The following DAB1 variants were observed in gnomAD, a reference collection of about 807,000 sequenced individuals.
DAB1 encodes the protein DAB adaptor protein 1, also known as disabled homolog 1.
Under a neutral mutation model 64.6 loss-of-function variants are expected in DAB1, and 15 were observed. The ratio of observed to expected loss-of-function variants is 0.23; its 90% CI spans 0.16 to 0.36. The LOEUF (loss-of-function observed/expected upper bound fraction) is 0.36. Among genes scored for constraint, DAB1 ranks in the 10% least tolerant of loss-of-function variants. DAB1 has a pLI of 1.00. For synonymous variants in DAB1, 235 were observed against 251.9 expected, an observed-to-expected ratio of 0.93 and a Z score of 0.64; for missense variants, 596 against 706.7, an observed-to-expected ratio of 0.84 and a Z score of 1.78.
intron 3 of DAB1, among the ~76,000 whole-genome samples, chr1:58,460,662 A>G (rs551734283): frequency 6.6e-6 from 1 of 152,136 alleles, no homozygotes; most frequent in Non-Finnish European, 1.5e-5. Context: ...CTTCCCACGC[A>G]TGTGTGTAGC....
intron 1 of DAB1, among the ~76,000 whole-genome samples, chr1:57,834,603 G>A (rs1215532349): frequency 6.6e-6 from 1 of 151,414 alleles, no homozygotes; most frequent in African/African-American, 2.4e-5. Context: ...ATATATATAT[G>A]TGCACACAGT....
In DAB1 at chr1:57,548,161, C is replaced by T. The variant is rs144120865; in HGVS notation, n.625+101431G>A. On this transcript the variant is annotated intron_variant and non_coding_transcript_variant, in intron 7 of 20. Coordinates refer to the DAB1 transcript ENST00000485760. ...CTTATAGGATATTTATTAATAATTG[C>T]CCAACATTAGCTTGGTATCTGTTAT... Among the ~76,000 whole-genome samples the T allele has an allele frequency of 1.8e-3, 271 of 152,210 alleles. 1 individual carries two copies. The highest frequency in any genetic ancestry group is 3.0e-3 in the Non-Finnish European group (203 of 67,992).
chr1:57,935,868 G>A (rs1382283198), intron 5 of DAB1, among the ~76,000 whole-genome samples: 1 of 152,196 alleles, frequency 6.6e-6, no homozygotes, highest in East Asian at 1.9e-4. Flanking sequence ...GCTTGAGTTG[G>A]CAAGTGGAGG....
At chr1:57,739,702 C>T (rs1303019217) in intron 6 of DAB1, among the ~76,000 whole-genome samples, 3 of 151,002 alleles carry the variant, frequency 2.0e-5, no homozygotes, top group Non-Finnish European at 2.9e-5. Context: ...ATCTGCCTGC[C>T]TCGGCCTCCC....
intron 7 of DAB1, among the ~76,000 whole-genome samples, chr1:57,644,295 G>A (rs555071734): frequency 1.3e-5 from 2 of 152,272 alleles, no homozygotes; most frequent in East Asian, 1.9e-4. Context: ...AGGGCTGAGA[G>A]GCGCACAAGT....
intron 1 of DAB1, among the ~76,000 whole-genome samples, chr1:57,313,562 T>C (rs1416035371): frequency 6.6e-6 from 1 of 152,132 alleles, no homozygotes; most frequent in Admixed American, 6.5e-5. Flanking sequence ...CTGGCCATAG[T>C]TTCCATAATA....
chr1:57,728,932 T>G (rs1313547671), intron 6 of DAB1, among the ~76,000 whole-genome samples: 1 of 151,306 alleles, frequency 6.6e-6, no homozygotes, highest in African/African-American at 2.5e-5. Context: ...GCCCTGTCAA[T>G]GTTATTAGCC....
Position 58,314,529 on chromosome 1 carries a change from G to C in DAB1, n.309+28823C>G, listed in dbSNP as rs572203498. 8.5e-5 allele frequency among the ~76,000 whole-genome samples: 13 copies of C among 152,236 alleles called. No homozygotes were observed. The East Asian group carries it at 1.9e-3, about 23-fold the overall frequency. ...GACTTGATATTTTGTACTTACGATT[G>C]AGTCGTATTTACTCACTCTCCCAGC... On this transcript the variant is annotated intron_variant and non_coding_transcript_variant, in intron 4 of 20. Coordinates refer to the DAB1 transcript ENST00000485760.
chr1:57,717,076 T>C (rs1464184760), intron 6 of DAB1, among the ~76,000 whole-genome samples: 2 of 151,676 alleles, frequency 1.3e-5, no homozygotes, highest in Non-Finnish European at 2.9e-5. Flanking sequence ...CCATCTCTAC[T>C]AAAAATACAA....
intron 7 of DAB1, among the ~76,000 whole-genome samples, chr1:57,504,963 C>A (rs1364923125): frequency 6.6e-6 from 1 of 152,074 alleles, no homozygotes. Context: ...AACCTCACAG[C>A]CAAGAGGAAC....
chr1:58,113,139 G>C (rs575000500), intron 5 of DAB1, among the ~76,000 whole-genome samples: 4 of 152,276 alleles, frequency 2.6e-5, no homozygotes, highest in African/African-American at 9.6e-5. Context: ...GCACAGAGGA[G>C]GGTGCCAGAA....
chr1:58,485,801 A>G (rs749304634), intron 3 of DAB1, among the ~76,000 whole-genome samples: 2 of 152,220 alleles, frequency 1.3e-5, no homozygotes, highest in Non-Finnish European at 2.9e-5. Flanking sequence ...CGCACTGCAC[A>G]TAACAGGCAC....
At chr1:57,878,017 G>A (rs1234751268) in intron 1 of DAB1, among the ~76,000 whole-genome samples, 2 of 151,980 alleles carry the variant, frequency 1.3e-5, no homozygotes, top group Non-Finnish European at 1.5e-5. Flanking sequence ...TAGTCTTTTC[G>A]GGTGTCTATA....
chr1:57,592,442 A>T (rs1032192460), intron 7 of DAB1, among the ~76,000 whole-genome samples: 1 of 152,156 alleles, frequency 6.6e-6, no homozygotes, highest in African/African-American at 2.4e-5. Context: ...TCATAGAAAA[A>T]AAAAATGGAA....
chr1:58,506,256 A>C (rs749525027), intron 2 of DAB1: 4 of 812,316 alleles, frequency 4.9e-6, no homozygotes, highest in Non-Finnish European at 8.5e-6. Context: ...AGTTTTGAGG[A>C]TTTTTTAAAA....
intron 3 of DAB1, among the ~76,000 whole-genome samples, chr1:58,469,340 T>C (rs1645331407): frequency 1.3e-5 from 2 of 152,306 alleles, no homozygotes; most frequent in South Asian, 4.1e-4. Flanking sequence ...TCTCATGCAG[T>C]TGTTATAGGG....
intron 4 of DAB1, among the ~76,000 whole-genome samples, chr1:58,336,119 G>A (rs937275692): frequency 3.9e-5 from 6 of 152,206 alleles, no homozygotes; most frequent in African/African-American, 1.4e-4. Flanking sequence ...ACTGTGACAT[G>A]CACGGGATCA....
chr1:57,212,931 C>T (rs1174257591), intron 2 of DAB1, among the ~76,000 whole-genome samples: 3 of 152,184 alleles, frequency 2.0e-5, no homozygotes, highest in South Asian at 2.1e-4. Flanking sequence ...GCAACACTGA[C>T]GGCCTGAGAA....
intron 4 of DAB1, among the ~76,000 whole-genome samples, chr1:57,132,671 C>A (rs1280920494): frequency 6.6e-6 from 1 of 152,026 alleles, no homozygotes; most frequent in Non-Finnish European, 1.5e-5. Flanking sequence ...ATTTGAAACA[C>A]TTCTGGTCCC....
Sources: allele counts gnomAD v4.1 joint callset (sites outside exome capture counted in the v4.1 genomes callset), GRCh38; gene constraint gnomAD v4.1.1; transcripts MANE v1.5; gene names NCBI Gene and HGNC (gene_info 2026-07-23, HGNC 2026-07-21).